The following BRD4 variants were observed in gnomAD, a reference collection of about 807,000 sequenced individuals.
BRD4 encodes bromodomain containing 4, also known as bromodomain-containing protein 4.
BRD4 carries 16 observed loss-of-function variants against 142.1 expected under a neutral mutation model. The ratio of observed to expected loss-of-function variants is 0.11; its 90% CI spans 0.08 to 0.17. The LOEUF is 0.17. BRD4 is among the 10% of genes least tolerant of loss of function. The pLI is 1.00. For synonymous variants in BRD4, 833 were observed against 707.5 expected (o/e 1.18, Z -2.82); for missense variants, 1,424 against 1,810.9 (o/e 0.79, Z 3.88).
At chr19:15,243,730 G>C (rs1032676057) in intron 13 of BRD4, among the ~76,000 whole-genome samples, 1 of 152,130 alleles carries the variant, frequency 6.6e-6, no homozygotes, top group Non-Finnish European at 1.5e-5. Flanking sequence ...TGCTCCCCAT[G>C]CTCACAATGG....
chr19:15,308,281 G>A (rs2047934891), intron 1 of BRD4, among the ~76,000 whole-genome samples: 1 of 146,672 alleles, frequency 6.8e-6, no homozygotes, highest in Non-Finnish European at 1.5e-5. Flanking sequence ...ACACAGTGGA[G>A]ACCTCGTCTC....
intron 1 of BRD4, among the ~76,000 whole-genome samples, chr19:15,304,658 A>G (rs987979179): frequency 5.9e-5 from 9 of 152,152 alleles, no homozygotes; most frequent in Non-Finnish European, 1.2e-4. Context: ...ATGCTTAGGG[A>G]AGAAGGTTGG....
rs571295316 is a variant in BRD4 at position 15,283,449 on chromosome 19, A to G, written c.-34-10316T>C. Among the ~76,000 whole-genome samples, 3 of 152,318 alleles carry G rather than the reference A, an allele frequency of 2.0e-5. No homozygotes were observed. In the East Asian group the frequency reaches 5.8e-4, roughly 29 times the overall value. ...TTAAAACTATAAAAATTTCCTATAT[A>G]CCAAACACCAGGGAAACATGTTATG... On this transcript the variant is annotated intron_variant, in intron 1 of 19. Coordinates refer to ENST00000679869, the MANE Select transcript of BRD4 (RefSeq NM_001379291.1).
At chr19:15,254,286 G>T (rs200157171) in intron 10 of BRD4, 24 bp from the exon 11 acceptor site, 11 of 1,598,558 alleles carry the variant, frequency 6.9e-6, no homozygotes, top group African/African-American at 2.7e-5. Context: ...AATGGGAGCT[G>T]GTCAGGCAGG....
At chr19:15,308,623 G>A (rs1393844592) in intron 1 of BRD4, among the ~76,000 whole-genome samples, 2 of 151,416 alleles carry the variant, frequency 1.3e-5, no homozygotes, top group Admixed American at 6.6e-5. Context: ...CTGTGACACT[G>A]GATGAAGAAA....
chr19:15,267,861 CCCT>C (rs1472700320), intron 3 of BRD4, among the ~76,000 whole-genome samples: 1 of 152,194 alleles, frequency 6.6e-6, no homozygotes, highest in Non-Finnish European at 1.5e-5. Flanking sequence ...CTGAAAGGGG[CCCT>C]CCTTTGACAC....
chr19:15,318,439 G>C (rs1039780056), intron 1 of BRD4, among the ~76,000 whole-genome samples: 1 of 152,176 alleles, frequency 6.6e-6, no homozygotes, highest in Non-Finnish European at 1.5e-5. Context: ...CACCAGACAA[G>C]GATGTGAGGA....
In BRD4 at chr19:15,298,171, G is replaced by A. The variant is rs539685511; in HGVS notation, c.-34-25038C>T. Among the ~76,000 whole-genome samples, 134 of 152,360 alleles carry A rather than the reference G, an allele frequency of 8.8e-4. 2 individuals carry two copies. The highest frequency in any genetic ancestry group is 3.2e-3 in the African/African-American group (133 of 41,590). ...GCAACAGTTTATTAAGGTGGGCTCT[G>A]CAAAAGGCACAAACACGGGTGGAGG... is the stretch of plus-strand genomic sequence containing the variant. On this transcript the variant is annotated intron_variant, in intron 1 of 19. Coordinates refer to ENST00000679869, the MANE Select transcript of BRD4 (RefSeq NM_001379291.1).
rs747605396 is a variant in BRD4 at position 15,239,921 on chromosome 19, G to A, written c.3271C>T (p.Pro1091Ser). 6.2e-7 allele frequency: 1 copy of A among 1,614,108 alleles called. No homozygotes were observed. The highest frequency in any genetic ancestry group is 2.2e-5 in the East Asian group (1 of 44,864). Residue 1091 changes from proline to serine, a missense_variant, in exon 15 of 20, where the codon CCT becomes TCT. Around this residue, in one of 16 missense-constraint regions of BRD4, gnomAD observed 598 missense variants for 647.8 expected, o/e 0.92. Coordinates refer to ENST00000679869, the MANE Select transcript of BRD4 (RefSeq NM_001379291.1). The surrounding 1 kb of genome is among the most constrained non-coding windows in gnomAD (Gnocchi z 7.4). ...GCCCTGCCAGTTACCTGTTTCTTAG[G>A]CTGGACGTTTTGCTGGGGTGGAGAC... is the stretch of plus-strand genomic sequence containing the variant. ...HQSPPQQNVQPKKQELRAASV... is the reference protein window; with the variant it reads ...HQSPPQQNVQSKKQELRAASV...
At chr19:15,325,907 A>T (rs1176328082) in intron 1 of BRD4, among the ~76,000 whole-genome samples, 2 of 148,810 alleles carry the variant, frequency 1.3e-5, no homozygotes, top group Non-Finnish European at 3.0e-5. Context: ...CTGAGGCAGG[A>T]GAATCACTTG....
At chr19:15,272,117 T>C (rs1443331898) in intron 2 of BRD4, among the ~76,000 whole-genome samples, 17 of 152,114 alleles carry the variant, frequency 1.1e-4, no homozygotes, top group Admixed American at 1.3e-4. Flanking sequence ...GAGGTTCAGC[T>C]GGAGATACAG....
At chr19:15,258,907 C>T (rs1471751126) in intron 7 of BRD4, among the ~76,000 whole-genome samples, 1 of 152,268 alleles carries the variant, frequency 6.6e-6, no homozygotes, top group South Asian at 2.1e-4. Context: ...TACCTTTATT[C>T]AGAAATAACT....
At chr19:15,242,540 C>T (rs2047246375) in intron 14 of BRD4, among the ~76,000 whole-genome samples, 1 of 152,130 alleles carries the variant, frequency 6.6e-6, no homozygotes, top group South Asian at 2.1e-4. Flanking sequence ...TAGCTGCTAC[C>T]TGTCTGCGAT....
chr19:15,254,505 G>A (rs1422064186), intron 10 of BRD4, among the ~76,000 whole-genome samples: 6 of 152,154 alleles, frequency 3.9e-5, no homozygotes, highest in Non-Finnish European at 8.8e-5. Flanking sequence ...AGTCTCCTTT[G>A]GGGGGTTTAT....
intron 1 of BRD4, among the ~76,000 whole-genome samples, chr19:15,287,300 T>C (rs933544788): frequency 2.6e-5 from 4 of 152,178 alleles, no homozygotes; most frequent in African/African-American, 9.7e-5. Context: ...TGGTAAAATA[T>C]ATGTAACATA....
intron 7 of BRD4, among the ~76,000 whole-genome samples, chr19:15,258,629 A>G (rs1388933552): frequency 6.6e-6 from 1 of 151,948 alleles, no homozygotes; most frequent in Non-Finnish European, 1.5e-5. Flanking sequence ...TTTTGGAGAT[A>G]GGGCCTTGCT....
intron 1 of BRD4, among the ~76,000 whole-genome samples, chr19:15,310,213 C>T (rs866305188): frequency 4.1e-5 from 5 of 122,404 alleles, no homozygotes; most frequent in African/African-American, 6.2e-5. Flanking sequence ...TTAAACAGTC[C>T]TTTTTTTTTT....
intron 7 of BRD4, among the ~76,000 whole-genome samples, chr19:15,257,584 T>C (rs1296707133): frequency 6.6e-6 from 1 of 151,616 alleles, no homozygotes; most frequent in Non-Finnish European, 1.5e-5. Context: ...GAGTTGTCTG[T>C]GGTTTGAGAG....
At chr19:15,286,181 T>C (rs2047738682) in intron 1 of BRD4, among the ~76,000 whole-genome samples, 1 of 152,150 alleles carries the variant, frequency 6.6e-6, no homozygotes, top group South Asian at 2.1e-4. Flanking sequence ...TCCTCAGGTA[T>C]CCAGTAACAC....
Sources: gnomAD v4.1 joint callset for allele counts (sites outside exome capture counted in the v4.1 genomes callset) on GRCh38, gnomAD v4.1.1 for gene constraint, gnomAD v4.1.1 regional missense constraint, Gnocchi (gnomAD v3.1) non-coding constraint, MANE v1.5 for transcripts, NCBI Gene and HGNC (gene_info 2026-07-23, HGNC 2026-07-21) for gene names.